Variants in LRRFIP2 observed in about 807,000 individuals in gnomAD.
The protein encoded by LRRFIP2 is LRR binding FLII interacting protein 2.
In LRRFIP2, 109 loss-of-function variants were observed where a neutral mutation model predicts 125.9. The ratio of observed to expected loss-of-function variants is 0.87; its 90% CI spans 0.74 to 1.01. The LOEUF (loss-of-function observed/expected upper bound fraction) is 1.01, where lower values mean the gene tolerates loss of function less well. Among genes scored for constraint, LRRFIP2 ranks in the 50% least tolerant of loss-of-function variants. LRRFIP2 has a pLI of 0.00. For synonymous variants in LRRFIP2, 291 were observed against 293.1 expected (o/e 0.99, Z 0.07); for missense variants, 850 against 862.3 (o/e 0.99, Z 0.18).
intron 18 of LRRFIP2, among the ~76,000 whole-genome samples, chr3:37,086,120 G>A (rs551751844): frequency 7.2e-5 from 11 of 152,206 alleles, no homozygotes; most frequent in South Asian, 2.1e-4. Context: ...ATGAAAACAC[G>A]CTCAACATCA....
At chr3:37,066,078 T>G in intron 22 of LRRFIP2, 136 bp from the exon 23 acceptor site, 1 of 1,351,318 alleles carries the variant, frequency 7.4e-7, no homozygotes, top group African/African-American at 1.4e-5. Context: ...TAGCTCTGTG[T>G]AAGAAATAGC....
In LRRFIP2 at chr3:37,154,563, G is replaced by T. The variant is rs191560359; in HGVS notation, c.-55-5525C>A. 3.9e-5 allele frequency: 6 copies of T among 152,284 alleles called. No homozygotes were observed. In the East Asian group the frequency reaches 1.2e-3, roughly 29 times the overall value. 9.4% of individuals were successfully genotyped at this position (152,284 alleles called of 1,614,324 possible). ...TTTTGTCAAGTCCTTTACCCACATAGTGTCAAGTTGATTTTCCCCAGATGG... is the reference window on the plus strand; with the variant it reads ...TTTTGTCAAGTCCTTTACCCACATATTGTCAAGTTGATTTTCCCCAGATGG... On this transcript the variant is annotated intron_variant, in intron 1 of 27. Coordinates refer to ENST00000336686, the MANE Select transcript of LRRFIP2 (RefSeq NM_006309.4).
At chr3:37,161,476 A>G (rs1417863628) in intron 1 of LRRFIP2, among the ~76,000 whole-genome samples, 1 of 152,238 alleles carries the variant, frequency 6.6e-6, no homozygotes, top group Non-Finnish European at 1.5e-5. Flanking sequence ...GAATAACTTC[A>G]TTTATGTAAA....
At chr3:37,110,524 T>C (rs1424408839) in intron 9 of LRRFIP2, among the ~76,000 whole-genome samples, 3 of 152,212 alleles carry the variant, frequency 2.0e-5, no homozygotes, top group African/African-American at 7.2e-5. Context: ...AATAATTACA[T>C]TCTTCTCATG....
chr3:37,061,204 C>A (rs1379250286), intron 24 of LRRFIP2, among the ~76,000 whole-genome samples: 1 of 152,060 alleles, frequency 6.6e-6, no homozygotes, highest in East Asian at 1.9e-4. Context: ...GCTGGCTGGG[C>A]GCGGTGGCTC....
rs2086237953 is a variant in LRRFIP2, at chr3:37,054,517, TGTAA to T, written c.1951-6_1951-3del. 3 of 1,610,052 alleles carry T rather than the reference TGTAA, an allele frequency of 1.9e-6. No individual in the cohort carries two copies. The African/African-American group carries it at 4.0e-5, about 21-fold the overall frequency. On this transcript the variant is annotated splice_polypyrimidine_tract_variant and splice_region_variant and intron_variant, in intron 26 of 27. Coordinates refer to ENST00000336686, the MANE Select transcript of LRRFIP2 (RefSeq NM_006309.4). ...AACCTGTCCCTCAAGCCGGCTAATCTGTAAGTATGAGAACATAGGCCTCTAGTAC... is the reference window on the plus strand; with the variant it reads ...AACCTGTCCCTCAAGCCGGCTAATCTGTATGAGAACATAGGCCTCTAGTAC...
chr3:37,108,538 T>A, intron 12 of LRRFIP2, 99 bp downstream of exon 12: 1 of 942,492 alleles, frequency 1.1e-6, no homozygotes, highest in Non-Finnish European at 1.6e-6. Flanking sequence ...TTTCTTTGTA[T>A]ATTTTTCTTT....
intron 6 of LRRFIP2, among the ~76,000 whole-genome samples, chr3:37,118,706 A>G (rs1172420878): frequency 6.6e-6 from 1 of 152,244 alleles, no homozygotes; most frequent in African/African-American, 2.4e-5. Context: ...GGAGAAACCT[A>G]AAGTCCTAAG....
Position 37,109,528 on chromosome 3 carries a change from AG to A in LRRFIP2, c.607del (p.Leu203TrpfsTer28), listed in dbSNP as rs2094473613. The A allele has an allele frequency of 6.2e-7, 1 of 1,613,928 alleles. No homozygotes were observed. Among genetic ancestry groups the A allele is most frequent in the Non-Finnish European group, 8.5e-7 (1 of 1,179,920 alleles). ...ANSGLLRSAS[L>X]ASLYNGGLYN... is the part of the protein sequence containing the mutation. ...ACACTGGAAGAGGAAAATACAAACC[AG>A]ACTGGCACTTCTCAGCAGACCAGAA... On this transcript the variant is annotated frameshift_variant and splice_region_variant, in exon 11 of 28. Transcript: ENST00000336686. LOFTEE classifies it high-confidence loss of function.
chr3:37,158,067 T>C (rs2150175531), intron 1 of LRRFIP2, among the ~76,000 whole-genome samples: 1 of 152,356 alleles, frequency 6.6e-6, no homozygotes, highest in Admixed American at 6.5e-5. Context: ...TGAACATTAA[T>C]GGGCTATATG....
At chr3:37,081,896 A>G (rs2092677314) in intron 19 of LRRFIP2, among the ~76,000 whole-genome samples, 2 of 151,584 alleles carry the variant, frequency 1.3e-5, no homozygotes, top group Admixed American at 6.6e-5. Context: ...CCAAAAGAAA[A>G]AAAAAAAAAA....
At position 37,110,993 on chromosome 3, in the gene LRRFIP2, G is replaced by A. The variant is rs145622200; in HGVS notation, c.511C>T (p.Arg171Trp). ...AAGCCAAAAAAGTTTAGACAAACCC[G>A]AGTGTAGTAGGCAGAGGTGGGTTTG... ...HSKPTSAYYT[R>W]QSSSLYSDPL... Residue 171 changes from arginine (R) to tryptophan (W), a missense_variant and splice_region_variant, in exon 9 of 28, where the codon CGG (arginine) becomes TGG (tryptophan). Coordinates refer to ENST00000336686, the MANE Select transcript of LRRFIP2 (RefSeq NM_006309.4). 50 of 1,613,212 alleles carry A rather than the reference G, an allele frequency of 3.1e-5. No homozygotes were observed. The highest frequency in any genetic ancestry group is 6.7e-5 in the Admixed American group (4 of 59,918).
intron 1 of LRRFIP2, among the ~76,000 whole-genome samples, chr3:37,165,859 G>GAAA (rs2096476857): frequency 7.0e-6 from 1 of 142,614 alleles, no homozygotes; most frequent in African/African-American, 2.6e-5. Flanking sequence ...GAAAGAAAGA[G>GAAA]AAAGAAAGAA....
intron 21 of LRRFIP2, chr3:37,067,115 GATA>G (rs1234127627): frequency 6.6e-6 from 1 of 152,194 alleles, no homozygotes; most frequent in Non-Finnish European, 1.5e-5. Context: ...AAACAGAAGG[GATA>G]ATAGCACCCA....
chr3:37,164,720 C>CAAA (rs148231991), intron 1 of LRRFIP2, among the ~76,000 whole-genome samples: 1 of 106,904 alleles, frequency 9.4e-6, no homozygotes, highest in Non-Finnish European at 2.0e-5. Context: ...GACTCCGTCT[C>CAAA]AAAAAAAAAA....
intron 25 of LRRFIP2, among the ~76,000 whole-genome samples, chr3:37,057,534 C>CTT (rs58257408): frequency 0.017 from 2,457 of 144,828 alleles, 73 homozygotes; most frequent in African/African-American, 0.058. Flanking sequence ...AGTCTTTTCT[C>CTT]TTTTTTTTTT....
chr3:37,066,383 G>A, intron 21 of LRRFIP2, 58 bp from the exon 22 acceptor site: 1 of 1,334,738 alleles, frequency 7.5e-7, no homozygotes, highest in South Asian at 1.2e-5. Flanking sequence ...CAGGTGAAAG[G>A]TAGCAGAGAA....
At chr3:37,070,485 C>T (rs1289044457) in intron 21 of LRRFIP2, among the ~76,000 whole-genome samples, 1 of 151,926 alleles carries the variant, frequency 6.6e-6, no homozygotes. Flanking sequence ...CCTGTAGTAC[C>T]ACCACTTTGG....
At chr3:37,099,109 A>G (rs1041044655) in intron 15 of LRRFIP2, among the ~76,000 whole-genome samples, 1 of 152,188 alleles carries the variant, frequency 6.6e-6, no homozygotes, top group African/African-American at 2.4e-5. Flanking sequence ...CAAACTGATC[A>G]TGCACCAAAC....
Sources: allele counts gnomAD v4.1 joint callset (sites outside exome capture counted in the v4.1 genomes callset), GRCh38; gene constraint gnomAD v4.1.1; transcripts MANE v1.5; gene names NCBI Gene and HGNC (gene_info 2026-07-23, HGNC 2026-07-21).